The following OFD1 variants were observed in gnomAD, a reference collection of about 807,000 sequenced individuals.
OFD1 encodes the protein centriole and centriolar satellite protein OFD1.
OFD1 carries 12 observed loss-of-function variants against 81.4 expected under a neutral mutation model. The ratio of observed to expected loss-of-function variants is 0.15; its 90% CI spans 0.09 to 0.24. The LOEUF is 0.24. Among genes scored for constraint, OFD1 ranks in the 10% least tolerant of loss-of-function variants. The probability of loss-of-function intolerance (pLI) is 1.00; values close to 1 mark genes in which losing one functional copy is unlikely to be tolerated. For missense variants in OFD1, 685 were observed against 733.9 expected (o/e 0.93, Z 0.77); for synonymous variants, 256 against 263.7 (o/e 0.97, Z 0.28).
chrX:13,772,556 G>A (rs1439060379), downstream of OFD1: 1 of 208,814 alleles, frequency 4.8e-6, no homozygotes, highest in Non-Finnish European at 8.8e-6. Flanking sequence ...CTATTAAGGA[G>A]TGTGACATAT....
rs1037696064 is a variant in OFD1, at chrX:13,755,095, CTT to C, written c.1130-53_1130-52del. On this transcript the variant is annotated intron_variant, in intron 11 of 22. Transcript: ENST00000340096. ...CATACTGGCCATAAATATTAAATGG[CTT>C]TTGTATTCACTAGGAAAACATTATG... The C allele has an allele frequency of 1.6e-5, 14 of 878,263 alleles. No homozygotes were observed. The African/African-American group carries it at 2.6e-4, about 16-fold the overall frequency. 72.4% of individuals were successfully genotyped at this position (878,263 alleles called of 1,213,427 possible). A position where few individuals can be genotyped will look rare whatever the true frequency, so the allele number is the denominator to read the frequency against.
intron 7 of OFD1, 68 bp downstream of exon 7, chrX:13,746,523 G>C: frequency 1.8e-6 from 2 of 1,107,637 alleles, no homozygotes; most frequent in Non-Finnish European, 2.5e-6. Flanking sequence ...CTTAACCATA[G>C]GTATATGGGA....
chrX:13,716,863 G>T, the OFD1 span: 1 of 436,651 alleles, frequency 2.3e-6, no homozygotes, highest in East Asian at 3.9e-5. Context: ...TTTTAAATTT[G>T]ATATCTACAT....
At chrX:13,747,976 T>G (rs2047359648) in intron 8 of OFD1, among the ~76,000 whole-genome samples, 1 of 111,603 alleles carries the variant, frequency 9.0e-6, no homozygotes, top group Non-Finnish European at 1.9e-5. Context: ...AAACTAGATT[T>G]ACAGCACTAT....
At chrX:13,723,241 C>T in the OFD1 span, among the ~76,000 whole-genome samples, 597 of 111,656 alleles carry the variant, frequency 5.3e-3, 2 homozygotes, top group African/African-American at 0.018. Context: ...AATCTTAGCG[C>T]ACTGCAACCT....
chrX:13,766,347 A>G (rs1213906895), intron 19 of OFD1, among the ~76,000 whole-genome samples: 1 of 111,572 alleles, frequency 9.0e-6, no homozygotes, highest in Non-Finnish European at 1.9e-5. Flanking sequence ...TTGCAGCCAC[A>G]GGACAGGGAG....
At chrX:13,733,748 C>CT (rs1311957675), upstream of OFD1, among the ~76,000 whole-genome samples, 24 of 106,686 alleles carry the variant, frequency 2.2e-4, no homozygotes, top group African/African-American at 6.5e-4. Flanking sequence ...AAGGTCGTGG[C>CT]TTTTTTTTTT....
intron 12 of OFD1, among the ~76,000 whole-genome samples, chrX:13,755,985 C>CT (rs1469896472): frequency 3.2e-5 from 1 of 30,977 alleles, no homozygotes; most frequent in South Asian, 2.1e-3. Context: ...GAGTCTTGTT[C>CT]TTTCGCCCAG....
At chrX:13,756,281 A>G (rs774312897) in intron 12 of OFD1, among the ~76,000 whole-genome samples, 19 of 111,767 alleles carry the variant, frequency 1.7e-4, no homozygotes, top group Admixed American at 2.9e-4. Context: ...CATATTTAAA[A>G]AATATATATT....
At chrX:13,734,062 A>T (rs1237828973), upstream of OFD1, 7 of 513,007 alleles carry the variant, frequency 1.4e-5, no homozygotes, top group Admixed American at 1.9e-4. Flanking sequence ...CACAGCACAC[A>T]ATGGTTGGTA....
chrX:13,724,474 A>G, the OFD1 span, among the ~76,000 whole-genome samples: 3 of 110,576 alleles, frequency 2.7e-5, no homozygotes, highest in Admixed American at 2.9e-4. Context: ...CAACTGCTTC[A>G]AGCGCTTGCT....
At chrX:13,763,430 G>C (rs1232240435) in intron 18 of OFD1, among the ~76,000 whole-genome samples, 2 of 112,751 alleles carry the variant, frequency 1.8e-5, no homozygotes, top group Non-Finnish European at 3.8e-5. Context: ...TTAAATCATT[G>C]ATATTTTAAT....
At chrX:13,725,719 C>T in the OFD1 span, among the ~76,000 whole-genome samples, 1 of 112,339 alleles carries the variant, frequency 8.9e-6, no homozygotes, top group East Asian at 2.8e-4. Context: ...GATTGCAGCT[C>T]CTCGCCAGCA....
At chrX:13,719,981 T>C in the OFD1 span, 1 of 1,109,790 alleles carries the variant, frequency 9.0e-7, no homozygotes, top group Non-Finnish European at 1.2e-6. Flanking sequence ...AATATATGGC[T>C]CCTAATTAAG....
At chrX:13,766,118 A>T (rs1047650407) in intron 19 of OFD1, among the ~76,000 whole-genome samples, 6 of 112,287 alleles carry the variant, frequency 5.3e-5, no homozygotes, top group African/African-American at 1.9e-4. Context: ...GTGATGTAGG[A>T]AATCAATCTG....
At chrX:13,759,929 G>A (rs1421047883) in intron 15 of OFD1, among the ~76,000 whole-genome samples, 186 bp from the exon 16 acceptor site, 1 of 112,320 alleles carries the variant, frequency 8.9e-6, no homozygotes, top group Admixed American at 9.4e-5. Flanking sequence ...GACATACAAA[G>A]CTGTAGCTGG....
chrX:13,726,547 G>C, the OFD1 span, among the ~76,000 whole-genome samples: 1 of 111,611 alleles, frequency 9.0e-6, no homozygotes, highest in Non-Finnish European at 1.9e-5. Context: ...TTACAGAGAA[G>C]GAAATGATGA....
At chrX:13,747,751 A>T (rs1365863562) in intron 8 of OFD1, among the ~76,000 whole-genome samples, 1 of 111,527 alleles carries the variant, frequency 9.0e-6, no homozygotes, top group African/African-American at 3.3e-5. Context: ...GTATGCTGCC[A>T]TTGGAGAGAG....
chrX:13,760,797 G>A, intron 16 of OFD1, 77 bp downstream of exon 16: 4 of 1,142,697 alleles, frequency 3.5e-6, no homozygotes, highest in Non-Finnish European at 4.8e-6. Flanking sequence ...GGGTTGCCGT[G>A]AGGGTCAGCG....
Sources: allele counts gnomAD v4.1 joint callset (sites outside exome capture counted in the v4.1 genomes callset), GRCh38; gene constraint gnomAD v4.1.1; transcripts MANE v1.5; gene names NCBI Gene and HGNC (gene_info 2026-07-23, HGNC 2026-07-21).